Variants in WBP2NL observed in about 807,000 individuals in gnomAD.
WBP2NL encodes postacrosomal sheath WW domain-binding protein.
A neutral mutation model predicts 23.3 loss-of-function variants in WBP2NL; 27 were observed. The observed-to-expected ratio is 1.16, with a 90% CI of 0.85 to 1.60. The LOEUF (loss-of-function observed/expected upper bound fraction) is 1.60, where lower values mean the gene tolerates loss of function less well. Ranked by LOEUF, WBP2NL falls within the 40% of genes most tolerant of loss-of-function variation. The probability of loss-of-function intolerance (pLI) is 0.00; values close to 1 mark genes in which losing one functional copy is unlikely to be tolerated. For synonymous variants in WBP2NL, 151 were observed against 145.9 expected (o/e 1.03, Z -0.25); for missense variants, 370 against 389.5 (o/e 0.95, Z 0.42).
At chr22:42,012,475 A>G (rs1312904943) in intron 1 of WBP2NL, among the ~76,000 whole-genome samples, 1 of 152,116 alleles carries the variant, frequency 6.6e-6, no homozygotes, top group Non-Finnish European at 1.5e-5. Context: ...TTTATTTAAT[A>G]GTGTATTGTT....
intron 8 of WBP2NL, among the ~76,000 whole-genome samples, chr22:42,052,574 C>T (rs1181249958): frequency 6.6e-6 from 1 of 152,236 alleles, no homozygotes; most frequent in African/African-American, 2.4e-5. Flanking sequence ...GCCACTGTGC[C>T]AGGCCTGGAA....
chr22:42,017,461 C>T (rs575970757), intron 1 of WBP2NL, among the ~76,000 whole-genome samples: 1 of 152,310 alleles, frequency 6.6e-6, no homozygotes, highest in East Asian at 1.9e-4. Context: ...TCTATTAGGT[C>T]ATTCCTAATT....
At chr22:42,019,965 G>A (rs530268980) in intron 3 of WBP2NL, 39 bp from the exon 4 acceptor site, 8 of 1,606,056 alleles carry the variant, frequency 5.0e-6, no homozygotes, top group African/African-American at 2.7e-5. Context: ...TGTCAGCTAT[G>A]CCAGTTTCTT....
At chr22:42,026,688 A>G (rs1287443974) in intron 5 of WBP2NL, 78 bp from the exon 6 acceptor site, 26 of 1,544,938 alleles carry the variant, frequency 1.7e-5, no homozygotes, top group South Asian at 2.5e-5. Flanking sequence ...CTTCAGCATT[A>G]TTTTTTAAGT....
At chr22:42,024,184 G>A (rs532104235) in intron 5 of WBP2NL, among the ~76,000 whole-genome samples, 1 of 152,070 alleles carries the variant, frequency 6.6e-6, no homozygotes, top group African/African-American at 2.4e-5. Flanking sequence ...TTCTTTTCCT[G>A]GCTGAATAAT....
intron 8 of WBP2NL, among the ~76,000 whole-genome samples, chr22:42,057,094 A>C (rs1394991192): frequency 1.3e-5 from 2 of 152,170 alleles, no homozygotes; most frequent in African/African-American, 2.4e-5. Flanking sequence ...AATATTTTCC[A>C]TCAAATGTGA....
chr22:42,022,100 C>T (rs544349556), intron 4 of WBP2NL, 149 bp from the exon 5 acceptor site: 65 of 663,676 alleles, frequency 9.8e-5, no homozygotes, highest in Non-Finnish European at 1.6e-4. Context: ...TCACCCAGCC[C>T]ATGTTTCTTT....
chr22:42,045,067 T>C (rs1286651417), intron 8 of WBP2NL, among the ~76,000 whole-genome samples: 1 of 152,090 alleles, frequency 6.6e-6, no homozygotes, highest in Non-Finnish European at 1.5e-5. Context: ...CTGGCCTTAA[T>C]CAATCCTCTT....
At chr22:42,049,705 C>CAAAAAAAAAAAAAAAAAA (rs1158837575) in intron 8 of WBP2NL, among the ~76,000 whole-genome samples, 5 of 37,474 alleles carry the variant, frequency 1.3e-4, no homozygotes, top group Admixed American at 4.4e-4. Context: ...CAAAACAAAA[C>CAAAAAAAAAAAAAAAAAA]AAAAAAAAAA....
intron 8 of WBP2NL, among the ~76,000 whole-genome samples, chr22:42,040,219 T>C (rs1450147485): frequency 3.3e-5 from 5 of 151,222 alleles, no homozygotes; most frequent in African/African-American, 1.2e-4. Flanking sequence ...ATCTATCTTC[T>C]CTCTCTCTCT....
chr22:41,999,063 C>T (rs1192269403), intron 1 of WBP2NL, among the ~76,000 whole-genome samples, 183 bp downstream of exon 1: 11 of 117,366 alleles, frequency 9.4e-5, no homozygotes, highest in African/African-American at 3.6e-4. Context: ...GTGGAGGTGG[C>T]GGAGGCCGGA....
At chr22:41,999,245 G>A (rs553487136) in intron 1 of WBP2NL, among the ~76,000 whole-genome samples, 60 of 152,362 alleles carry the variant, frequency 3.9e-4, no homozygotes, top group African/African-American at 1.4e-3. Context: ...GGCCTTCGGT[G>A]GCAGCGTGGC....
intron 1 of WBP2NL, among the ~76,000 whole-genome samples, chr22:42,016,753 A>G (rs550559788): frequency 6.8e-4 from 103 of 152,200 alleles, no homozygotes; most frequent in African/African-American, 2.4e-3. Flanking sequence ...CTCCCCTTTT[A>G]ATCTGCACAT....
At chr22:42,029,859 G>A (rs1368512325), downstream of WBP2NL, 3 of 152,120 alleles carry the variant, frequency 2.0e-5, no homozygotes, top group African/African-American at 7.2e-5. Flanking sequence ...TTGTTTCCAG[G>A]TTTTTGTTAT....
At chr22:42,054,185 T>A (rs1051120097) in intron 8 of WBP2NL, among the ~76,000 whole-genome samples, 3 of 150,994 alleles carry the variant, frequency 2.0e-5, no homozygotes, top group South Asian at 2.1e-4. Context: ...GCTTCTGATT[T>A]AAAAAAAAAA....
chr22:42,023,563 C>T lies in WBP2NL; in HGVS notation c.514+1207C>T, dbSNP rs1264550461. Among the ~76,000 whole-genome samples, 9 of 151,810 alleles carry T rather than the reference C, an allele frequency of 5.9e-5. No individual in the cohort carries two copies. In the South Asian group the frequency reaches 1.2e-3, roughly 21 times the overall value. On this transcript the variant is annotated intron_variant, in intron 5 of 5. Transcript: ENST00000328823. ...TGTCGCCCAGGCTGGAGTGCAGTGG[C>T]GCGATGCAAGCTCCACCTCCCGGGT...
At chr22:42,043,600 G>GGA (rs1925477642) in intron 8 of WBP2NL, among the ~76,000 whole-genome samples, 1 of 152,208 alleles carries the variant, frequency 6.6e-6, no homozygotes, top group Admixed American at 6.5e-5. Context: ...GCATGTGCAT[G>GGA]GAGGGAAGGG....
intron 8 of WBP2NL, among the ~76,000 whole-genome samples, chr22:42,040,479 T>A (rs1449425977): frequency 6.6e-6 from 1 of 152,230 alleles, no homozygotes; most frequent in Non-Finnish European, 1.5e-5. Flanking sequence ...TGCCTCGGCC[T>A]CCCAAAGTGC....
At chr22:42,026,280 AAT>A (rs1232622839) in intron 5 of WBP2NL, among the ~76,000 whole-genome samples, 5 of 32,298 alleles carry the variant, frequency 1.5e-4, no homozygotes, top group Admixed American at 1.1e-3. Flanking sequence ...TCAAAATAAT[AAT>A]AATAATAATA....
Sources: allele counts gnomAD v4.1 joint callset (sites outside exome capture counted in the v4.1 genomes callset), GRCh38; gene constraint gnomAD v4.1.1; transcripts MANE v1.5; gene names NCBI Gene and HGNC (gene_info 2026-07-23, HGNC 2026-07-21).